The following APLF variants were observed in gnomAD, a reference collection of about 807,000 sequenced individuals.
APLF encodes the protein aprataxin and PNKP like factor.
APLF carries 61 observed loss-of-function variants against 55.6 expected under a neutral mutation model. The ratio of observed to expected loss-of-function variants is 1.10; its 90% CI spans 0.89 to 1.36. The LOEUF is 1.36. Ranked by LOEUF, APLF falls within the 40% of genes most tolerant of loss-of-function variation. APLF has a pLI of 0.00. For missense variants in APLF, 611 were observed against 602.5 expected, an observed-to-expected ratio of 1.01 and a Z score of -0.15; for synonymous variants, 207 against 214.8, an observed-to-expected ratio of 0.96 and a Z score of 0.32.
chr2:68,556,069 A>G, intron 8 of APLF, among the ~76,000 whole-genome samples: 1 of 152,184 alleles, frequency 6.6e-6, no homozygotes, highest in South Asian at 2.1e-4. Flanking sequence ...GAGATTGGAG[A>G]CTATTATTCT....
chr2:68,497,049 A>G (rs1009975062), intron 2 of APLF, among the ~76,000 whole-genome samples: 6 of 152,180 alleles, frequency 3.9e-5, no homozygotes, highest in South Asian at 2.1e-4. Flanking sequence ...GTATTAGGCC[A>G]TTCTTGTGTT....
chr2:68,467,776 G>C lies in APLF; in HGVS notation c.45G>C (p.Arg15=). The C allele has an allele frequency of 8.1e-7, 1 of 1,234,462 alleles. No homozygotes were observed. Among genetic ancestry groups the C allele is most frequent in the Non-Finnish European group, 1.0e-6 (1 of 988,118 alleles). The allele number at this position is 1,234,462 out of a possible 1,614,324, so 76.5% of individuals were successfully genotyped here. A position where few individuals can be genotyped will look rare whatever the true frequency, so the allele number is the denominator to read the frequency against. Residue 15 remains arginine (R), a synonymous_variant, in exon 1 of 10, where the codon CGG becomes CGC. Transcript: ENST00000303795. ...TGCAGCCGCGGGACGGCGGTCCCCG[G>C]GTGGCCCTGGCGCCCGGGGAGACGG... ...FELQPRDGGP[R]VALAPGETVI... is the part of the protein sequence containing the mutation.
At chr2:68,523,330 G>A (rs113643127) in intron 5 of APLF, among the ~76,000 whole-genome samples, 25 of 151,930 alleles carry the variant, frequency 1.6e-4, no homozygotes, top group African/African-American at 3.6e-4. Context: ...GAGTATTATC[G>A]AACATTGCTT....
chr2:68,563,303 CA>C, intron 8 of APLF: 5 of 983,890 alleles, frequency 5.1e-6, no homozygotes, highest in Non-Finnish European at 6.0e-6. Context: ...TAAAATTTCA[CA>C]TTACATTTTC....
At chr2:68,570,314 T>C (rs565462140) in intron 9 of APLF, among the ~76,000 whole-genome samples, 290 of 151,620 alleles carry the variant, frequency 1.9e-3, no homozygotes, top group Non-Finnish European at 2.8e-3. Flanking sequence ...TTATTATGCT[T>C]TAAGTTCTAG....
intron 5 of APLF, among the ~76,000 whole-genome samples, chr2:68,517,977 A>T (rs1669686345): frequency 7.3e-6 from 1 of 137,494 alleles, no homozygotes; most frequent in Admixed American, 7.3e-5. Flanking sequence ...ATATAACAGT[A>T]ATATATCACT....
intron 2 of APLF, among the ~76,000 whole-genome samples, chr2:68,494,525 G>T (rs751129538): frequency 6.6e-6 from 1 of 151,774 alleles, no homozygotes; most frequent in Non-Finnish European, 1.5e-5. Flanking sequence ...AGGGATACAC[G>T]TACAGGGTGT....
chr2:68,475,222 T>C (rs574705155), intron 1 of APLF, among the ~76,000 whole-genome samples: 57 of 152,362 alleles, frequency 3.7e-4, no homozygotes, highest in African/African-American at 1.3e-3. Flanking sequence ...TGTCATCATA[T>C]ATTAATGATG....
intron 2 of APLF, among the ~76,000 whole-genome samples, chr2:68,493,118 TA>T (rs1244527475): frequency 1.3e-5 from 2 of 152,138 alleles, no homozygotes; most frequent in South Asian, 2.1e-4. Context: ...GTCTTTTCTT[TA>T]AAAAAATTTC....
chr2:68,574,004 T>C (rs76421783), intron 9 of APLF, among the ~76,000 whole-genome samples: 12,759 of 151,696 alleles, frequency 0.084, 604 homozygotes, highest in Middle Eastern at 0.12. Context: ...AAGAAATTTA[T>C]AAGCATTCTA....
intron 8 of APLF, among the ~76,000 whole-genome samples, chr2:68,548,701 G>A (rs901521512): frequency 6.6e-6 from 1 of 151,842 alleles, no homozygotes; most frequent in Non-Finnish European, 1.5e-5. Flanking sequence ...CATAGCTCAT[G>A]TTGTATATAA....
intron 5 of APLF, among the ~76,000 whole-genome samples, chr2:68,517,073 TATATA>T (rs2103960197): frequency 8.1e-6 from 1 of 124,208 alleles, no homozygotes; most frequent in Admixed American, 9.1e-5. Context: ...AACATGTTAA[TATATA>T]ATATGTTATT....
intron 8 of APLF, among the ~76,000 whole-genome samples, chr2:68,545,982 C>T (rs1257682767): frequency 6.6e-6 from 1 of 152,036 alleles, no homozygotes; most frequent in Non-Finnish European, 1.5e-5. Context: ...GCTTTAATTC[C>T]AGACAGCCAT....
intron 3 of APLF, among the ~76,000 whole-genome samples, chr2:68,508,775 C>A (rs1573191988): frequency 6.6e-6 from 1 of 151,640 alleles, no homozygotes; most frequent in African/African-American, 2.4e-5. Flanking sequence ...CAATCCTAAG[C>A]CAAAAGAACA....
intron 6 of APLF, chr2:68,531,549 C>T (rs1401786553): frequency 6.6e-6 from 1 of 152,206 alleles, no homozygotes; most frequent in Non-Finnish European, 1.5e-5. Context: ...ACACTCAGTT[C>T]CTTTGCTTTA....
At chr2:68,496,526 A>G (rs1015962565) in intron 2 of APLF, among the ~76,000 whole-genome samples, 1 of 152,116 alleles carries the variant, frequency 6.6e-6, no homozygotes, top group African/African-American at 2.4e-5. Context: ...CAAATTTATC[A>G]AGCTTTTGCA....
rs1400013446 is a variant in APLF, at chr2:68,578,929, A to C, written c.*907A>C. On this transcript the variant is annotated 3_prime_UTR_variant, in exon 10 of 10. Coordinates refer to ENST00000303795, the MANE Select transcript of APLF (RefSeq NM_173545.3). Reference sequence around the variant, plus strand: ...CACTTATTCTCCAGTTTTACAAAGTATCTTTCTGTATTTCTGTTCTAAAAC... The same window carrying C: ...CACTTATTCTCCAGTTTTACAAAGTCTCTTTCTGTATTTCTGTTCTAAAAC... The C allele has an allele frequency of 1.0e-6, 1 of 985,192 alleles. No individual in the cohort carries two copies. The highest frequency in any genetic ancestry group is 1.2e-6 in the Non-Finnish European group (1 of 829,846). The allele number at this position is 985,192 out of a possible 1,614,324, so 61.0% of individuals were successfully genotyped here.
At chr2:68,536,650 G>T (rs1048774149) in intron 6 of APLF, among the ~76,000 whole-genome samples, 1 of 152,162 alleles carries the variant, frequency 6.6e-6, no homozygotes, top group East Asian at 1.9e-4. Flanking sequence ...TAAAGGTTCT[G>T]CAGTGCTAAT....
At chr2:68,510,504 C>G (rs1677016370) in intron 3 of APLF, among the ~76,000 whole-genome samples, 1 of 151,762 alleles carries the variant, frequency 6.6e-6, no homozygotes, top group South Asian at 2.1e-4. Flanking sequence ...ACTAGGAAAG[C>G]TATAATCAAA....
Sources: gnomAD v4.1 joint callset for allele counts (sites outside exome capture counted in the v4.1 genomes callset) on GRCh38, gnomAD v4.1.1 for gene constraint, MANE v1.5 for transcripts, NCBI Gene and HGNC (gene_info 2026-07-23, HGNC 2026-07-21) for gene names.